Variants in PRKAG2 observed in about 807,000 individuals in gnomAD.
The protein encoded by PRKAG2 is 5'-AMP-activated protein kinase subunit gamma-2.
Under a neutral mutation model 69.6 loss-of-function variants are expected in PRKAG2, and 26 were observed. That is an observed-to-expected ratio of 0.37 (90% confidence interval 0.27 to 0.52). PRKAG2 has a LOEUF of 0.52. Among genes scored for constraint, PRKAG2 ranks in the 20% least tolerant of loss-of-function variants. The pLI is 0.90. For missense variants in PRKAG2, 557 were observed against 740.0 expected (o/e 0.75, Z 2.87); for synonymous variants, 293 against 285.0 (o/e 1.03, Z -0.28).
At chr7:151,758,977 C>T (rs2075260264) in intron 3 of PRKAG2, among the ~76,000 whole-genome samples, 1 of 152,176 alleles carries the variant, frequency 6.6e-6, no homozygotes, top group Non-Finnish European at 1.5e-5. Context: ...CCAGCCCTGT[C>T]TCTACCATCT....
At chr7:151,611,569 A>C (rs543475790) in intron 5 of PRKAG2, among the ~76,000 whole-genome samples, 83 of 152,320 alleles carry the variant, frequency 5.4e-4, no homozygotes, top group African/African-American at 1.9e-3. Flanking sequence ...AGACTGAGAA[A>C]GGAATGATCT....
intron 4 of PRKAG2, among the ~76,000 whole-genome samples, chr7:151,651,843 A>G (rs999014556): frequency 6.6e-6 from 1 of 152,190 alleles, no homozygotes; most frequent in African/African-American, 2.4e-5. Context: ...CTTGTAGATT[A>G]TAAACAGTGA....
At chr7:151,619,893 T>A (rs1280651674) in intron 5 of PRKAG2, among the ~76,000 whole-genome samples, 1 of 152,076 alleles carries the variant, frequency 6.6e-6, no homozygotes, top group East Asian at 1.9e-4. Context: ...TGGTGGCGCA[T>A]GCCTGTAATC....
At chr7:151,773,178 GAA>G (rs2076167215) in intron 3 of PRKAG2, among the ~76,000 whole-genome samples, 1 of 147,508 alleles carries the variant, frequency 6.8e-6, no homozygotes, top group African/African-American at 2.5e-5. Flanking sequence ...AGGAAGGAAG[GAA>G]GGAAGGAAAG....
chr7:151,686,879 G>A (rs959486673), intron 3 of PRKAG2, among the ~76,000 whole-genome samples: 4 of 152,096 alleles, frequency 2.6e-5, no homozygotes, highest in Admixed American at 2.0e-4. Context: ...GAAAATATCT[G>A]AGTGATCTTC....
At chr7:151,590,402 T>A (rs971504624) in intron 6 of PRKAG2, among the ~76,000 whole-genome samples, 1 of 152,198 alleles carries the variant, frequency 6.6e-6, no homozygotes, top group Non-Finnish European at 1.5e-5. Context: ...ATTGGTGGCA[T>A]CACCAGGTTT....
At chr7:151,732,653 C>T (rs1351451534) in intron 3 of PRKAG2, among the ~76,000 whole-genome samples, 3 of 152,142 alleles carry the variant, frequency 2.0e-5, no homozygotes, top group Non-Finnish European at 2.9e-5. Flanking sequence ...CCTGAGATAT[C>T]GCCCCTGTTC....
chr7:151,794,863 C>T lies in PRKAG2; in HGVS notation c.115-8322G>A, dbSNP rs879034709. ...CAGCCGAGCCTTTCCTTGCCCACTC[C>T]GGGCAGCCTTTACTTGACCAGAGCT... On this transcript the variant is annotated intron_variant, in intron 1 of 15. Transcript: ENST00000287878. Among the ~76,000 whole-genome samples, 15 of 152,352 alleles carry T rather than the reference C, an allele frequency of 9.8e-5. No individual in the cohort carries two copies. The South Asian group carries it at 1.2e-3, about 13-fold the overall frequency.
intron 4 of PRKAG2, among the ~76,000 whole-genome samples, chr7:151,639,680 C>T (rs1431217190): frequency 6.6e-6 from 1 of 152,226 alleles, no homozygotes; most frequent in African/African-American, 2.4e-5. Flanking sequence ...ACAGCAGCAG[C>T]CCTCTGGTTT....
intron 1 of PRKAG2, among the ~76,000 whole-genome samples, chr7:151,855,073 CA>C (rs2079687511): frequency 3.6e-5 from 2 of 54,970 alleles, no homozygotes; most frequent in Non-Finnish European, 6.7e-5. Context: ...CCTCCACACA[CA>C]CCATCCTCCA....
At chr7:151,617,014 C>T (rs1820303655) in intron 5 of PRKAG2, among the ~76,000 whole-genome samples, 1 of 152,032 alleles carries the variant, frequency 6.6e-6, no homozygotes, top group South Asian at 2.1e-4. Context: ...AATCCCAGCA[C>T]TTTGGGAGGC....
At position 151,556,395 on chromosome 7, in the gene PRKAG2, T is replaced by TC. The variant is rs1803797239; in HGVS notation, c.*805dup. 6.6e-6 allele frequency: 1 copy of TC among 152,652 alleles called. No individual in the cohort carries two copies. Among genetic ancestry groups the TC allele is most frequent in the Non-Finnish European group, 1.5e-5 (1 of 68,046 alleles). The allele number at this position is 152,652 out of a possible 1,614,324, so 9.5% of individuals were successfully genotyped here. A position where few individuals can be genotyped will look rare whatever the true frequency, so the allele number is the denominator to read the frequency against. On this transcript the variant is annotated 3_prime_UTR_variant, in exon 16 of 16. Transcript: ENST00000287878. ...AATAGACATCTTCCCGGCACTTGGC[T>TC]CCCGCCTGACGGCAACGTCTCCTCC...
At chr7:151,721,439 G>T (rs1455099680) in intron 3 of PRKAG2, among the ~76,000 whole-genome samples, 1 of 152,106 alleles carries the variant, frequency 6.6e-6, no homozygotes, top group African/African-American at 2.4e-5. Flanking sequence ...ATGGGGCCCA[G>T]CTGGGGTGCC....
intron 1 of PRKAG2, among the ~76,000 whole-genome samples, chr7:151,803,809 G>A (rs912759377): frequency 1.1e-4 from 17 of 151,370 alleles, no homozygotes; most frequent in African/African-American, 4.1e-4. Flanking sequence ...ATGGTGGTGG[G>A]CGCCTATAGT....
Position 151,794,509 on chromosome 7 carries a change from G to A in PRKAG2, c.115-7968C>T, listed in dbSNP as rs558254682. 4.6e-5 allele frequency among the ~76,000 whole-genome samples: 7 copies of A among 152,370 alleles called. No homozygotes were observed. In the East Asian group the frequency reaches 1.4e-3, roughly 29 times the overall value. The stretch of plus-strand genomic sequence containing the variant: ...CCGCGGTGTGAGCCCCCGTGGCACT[G>A]GGCATGGCGAGGGCCGCTGGCCGAG... On this transcript the variant is annotated intron_variant, in intron 1 of 15. Coordinates refer to ENST00000287878, the MANE Select transcript of PRKAG2 (RefSeq NM_016203.4).
At chr7:151,675,206 C>A in intron 4 of PRKAG2, 1 of 589,640 alleles carries the variant, frequency 1.7e-6, no homozygotes, top group Non-Finnish European at 3.1e-6. Flanking sequence ...CAGGTGTGAG[C>A]CACCGCACCC....
intron 1 of PRKAG2, among the ~76,000 whole-genome samples, chr7:151,842,629 AGCGAT>A (rs2079335225): frequency 1.5e-4 from 15 of 96,916 alleles, no homozygotes; most frequent in Admixed American, 3.3e-4. Flanking sequence ...TGATGATGGT[AGCGAT>A]GGTAGGGATG....
At chr7:151,808,540 C>A (rs951507190) in intron 1 of PRKAG2, among the ~76,000 whole-genome samples, 1 of 151,938 alleles carries the variant, frequency 6.6e-6, no homozygotes, top group South Asian at 2.1e-4. Context: ...AGTCAGCAGA[C>A]GGGCGAGACC....
Position 151,632,315 on chromosome 7 carries a change from G to A in PRKAG2, c.685-177C>T, listed in dbSNP as rs1824793587. 3.6e-6 allele frequency: 3 copies of A among 826,280 alleles called. No homozygotes were observed. Among genetic ancestry groups the A allele is most frequent in the African/African-American group, 1.9e-5 (1 of 53,504 alleles). The allele number at this position is 826,280 out of a possible 1,614,324, so 51.2% of individuals were successfully genotyped here. On this transcript the variant is annotated intron_variant, in intron 4 of 15. Transcript: ENST00000287878. This position sits in a 1 kb window ranked among gnomAD's most constrained non-coding sequence, Gnocchi z 4.2. Reference sequence around the variant, plus strand: ...CGGAGCGGGAGCGCTGCCCCCACCCGCCCGAGGCCGCCGCCGCCGCCGCAG... The same window carrying A: ...CGGAGCGGGAGCGCTGCCCCCACCCACCCGAGGCCGCCGCCGCCGCCGCAG...
Sources: allele counts gnomAD v4.1 joint callset (sites outside exome capture counted in the v4.1 genomes callset), GRCh38; gene constraint gnomAD v4.1.1; non-coding constraint Gnocchi (gnomAD v3.1); transcripts MANE v1.5; gene names NCBI Gene and HGNC (gene_info 2026-07-23, HGNC 2026-07-21).